The following ZKSCAN7 variants were observed in gnomAD, a reference collection of about 807,000 sequenced individuals.
ZKSCAN7 encodes the protein zinc finger protein with KRAB and SCAN domains 7.
A neutral mutation model predicts 65.3 loss-of-function variants in ZKSCAN7; 38 were observed. That is an observed-to-expected ratio of 0.58 (90% confidence interval 0.45 to 0.76). The LOEUF is 0.76. Among genes scored for constraint, ZKSCAN7 ranks in the 30% least tolerant of loss-of-function variants. ZKSCAN7 has a pLI of 0.00. For synonymous variants in ZKSCAN7, 321 were observed against 321.0 expected, an observed-to-expected ratio of 1.00 and a Z score of 0.00; for missense variants, 815 against 913.3, an observed-to-expected ratio of 0.89 and a Z score of 1.39.
chr3:44,579,810 C>G lies in ZKSCAN7; in HGVS notation c.812-3162C>G, dbSNP rs572358222. 1,765 of 1,613,180 alleles carry G rather than the reference C, an allele frequency of 1.1e-3. 1 individual carries two copies. The highest frequency in any genetic ancestry group is 1.3e-3 in the Non-Finnish European group (1,583 of 1,179,122). On this transcript the variant is annotated intron_variant, in intron 5 of 5. Transcript: ENST00000341840. The stretch of plus-strand genomic sequence containing the variant: ...TATCTCAGGCTTTGATCGGCGAGGA[C>G]AAACCAGTGTTTCTTCCACTGGCTG...
Position 44,580,916 on chromosome 3 carries a change from C to T in ZKSCAN7, c.812-2056C>T, listed in dbSNP as rs1282365149. On this transcript the variant is annotated intron_variant, in intron 5 of 5. Coordinates refer to the ZKSCAN7 transcript ENST00000341840. ...AAATGGGTTTTGCCTGCGTCAGGTC[C>T]TCGTCGTTGAGGAGATGCGACTCGC... The T allele has an allele frequency of 2.5e-6, 4 of 1,613,304 alleles. No homozygotes were observed. In the Admixed American group the frequency reaches 6.7e-5, roughly 27 times the overall value.
intron 1 of ZKSCAN7, among the ~76,000 whole-genome samples, chr3:44,556,079 A>T (rs1444875890): frequency 2.0e-5 from 3 of 152,210 alleles, no homozygotes; most frequent in Non-Finnish European, 2.9e-5. Context: ...GATCACTGAG[A>T]CAATAACCAC....
Position 44,557,410 on chromosome 3 carries a change from T to C in ZKSCAN7, c.363T>C (p.Ser121=). 1 of 1,613,838 alleles carries C rather than the reference T, an allele frequency of 6.2e-7. No homozygotes were observed. Among genetic ancestry groups the C allele is most frequent in the Non-Finnish European group, 8.5e-7 (1 of 1,179,952 alleles). The change falls in exon 2 of 6, where the codon AGT becomes AGC. Residue 121 remains serine (S), a synonymous_variant. Coordinates refer to ENST00000426540, the MANE Select transcript of ZKSCAN7 (RefSeq NM_001288590.2). ...GGGTGCAGCTGCATCACCCTGAGAG[T>C]GGTGAGGAGGCTGTGGCTGTGGTGG... is the stretch of plus-strand genomic sequence containing the variant. ...RTWVQLHHPE[S]GEEAVAVVED... is the part of the protein sequence containing the mutation.
intron 1 of ZKSCAN7, among the ~76,000 whole-genome samples, chr3:44,556,032 T>G (rs1699283302): frequency 6.6e-6 from 1 of 152,228 alleles, no homozygotes; most frequent in Admixed American, 6.5e-5. Flanking sequence ...GTGTGAGATG[T>G]GCTCTACTAG....
intron 5 of ZKSCAN7, chr3:44,578,127 G>A (rs1699963403): frequency 1.4e-5 from 21 of 1,537,222 alleles, no homozygotes; most frequent in African/African-American, 4.1e-5. Flanking sequence ...CAGTGCTTCC[G>A]TTGCAGCCTT....
At position 44,556,698 on chromosome 3, in the gene ZKSCAN7, T is replaced by TTACCCCTG. The variant is rs1374809570; in HGVS notation, c.-118-232_-118-231insTACCCCTG. 2.9e-4 allele frequency among the ~76,000 whole-genome samples: 44 copies of TTACCCCTG among 151,938 alleles called. 1 individual carries two copies. The highest frequency in any genetic ancestry group is 5.7e-4 in the Non-Finnish European group (39 of 67,984). On this transcript the variant is annotated intron_variant, in intron 1 of 5. Coordinates refer to ENST00000426540, the MANE Select transcript of ZKSCAN7 (RefSeq NM_001288590.2). ...AGGGTGTGGCTGGTTGTGAAGGGGG[T>TTACCCCTG]AAGGCCAGGTTGTGAAGGGCTGTGA...
chr3:44,583,091 T>C (rs1700126300), exon 6 of ZKSCAN7: 1 of 346,918 alleles, frequency 2.9e-6, no homozygotes, highest in Admixed American at 3.5e-5. Context: ...CATGCCCAGC[T>C]AATTTTTGTA....
chr3:44,573,682 C>T (rs1699868802), downstream of ZKSCAN7, among the ~76,000 whole-genome samples: 1 of 152,138 alleles, frequency 6.6e-6, no homozygotes, highest in African/African-American at 2.4e-5. Flanking sequence ...CCTATATGAG[C>T]ACATGGGTCC....
Position 44,570,095 on chromosome 3 carries a change from G to C in ZKSCAN7, c.985G>C (p.Glu329Gln), listed in dbSNP as rs763455178. Residue 329 changes from glutamate (E) to glutamine (Q), a missense_variant, in exon 6 of 6, where the codon GAA becomes CAA. Transcript: ENST00000426540. ...FKELEGQTSD[E>Q]EGSRLENDFL... ...GGAGTTAGAAGGACAAACCTCAGAT[G>C]AAGAAGGGAGCAGACTAGAAAATGA... The C allele has an allele frequency of 6.2e-7, 1 of 1,613,950 alleles. No individual in the cohort carries two copies. The highest frequency in any genetic ancestry group is 2.2e-5 in the East Asian group (1 of 44,876).
At chr3:44,580,101 A>G (rs1330768959) in intron 5 of ZKSCAN7, 9 of 1,598,386 alleles carry the variant, frequency 5.6e-6, no homozygotes, top group African/African-American at 1.3e-5. Context: ...TGCCTTCTCA[A>G]TGTCCAAGGC....
chr3:44,566,642 AT>A (rs1433980317), intron 3 of ZKSCAN7, among the ~76,000 whole-genome samples: 1 of 151,870 alleles, frequency 6.6e-6, no homozygotes, highest in African/African-American at 2.4e-5. Flanking sequence ...TTATTTATTT[AT>A]TTTTTTTAAA....
intron 2 of ZKSCAN7, among the ~76,000 whole-genome samples, chr3:44,563,045 A>C (rs779869579): frequency 6.6e-6 from 1 of 152,118 alleles, no homozygotes; most frequent in Non-Finnish European, 1.5e-5. Context: ...AAAGTTCCAC[A>C]GATATCTAGA....
intron 5 of ZKSCAN7, 90 bp from the exon 6 acceptor site, chr3:44,569,832 C>CT: frequency 2.8e-6 from 4 of 1,439,356 alleles, no homozygotes; most frequent in Non-Finnish European, 3.6e-6. Context: ...CATAATGTGA[C>CT]TTTTTTTCAG....
chr3:44,580,924 TGAG>T (rs746828608), intron 5 of ZKSCAN7: 46 of 1,612,882 alleles, frequency 2.9e-5, no homozygotes, highest in Non-Finnish European at 3.6e-5. Flanking sequence ...TCCTCGTCGT[TGAG>T]GAGATGCGAC....
intron 1 of ZKSCAN7, 136 bp from the exon 2 acceptor site, chr3:44,556,794 A>G: frequency 1.8e-6 from 1 of 555,462 alleles, no homozygotes; most frequent in East Asian, 3.2e-5. Context: ...GAAGGGCATC[A>G]TTTGGAGAGA....
At chr3:44,581,079 C>A in intron 5 of ZKSCAN7, 3 of 1,218,158 alleles carry the variant, frequency 2.5e-6, no homozygotes, top group Non-Finnish European at 3.1e-6. Context: ...GCGCTCCCGG[C>A]GGGCTAGGGG....
chr3:44,569,010 T>C (rs910708382), intron 5 of ZKSCAN7, among the ~76,000 whole-genome samples: 6 of 152,266 alleles, frequency 3.9e-5, no homozygotes, highest in African/African-American at 1.4e-4. Context: ...CTTCTCTCCA[T>C]GCGCCACTTC....
intron 2 of ZKSCAN7, among the ~76,000 whole-genome samples, chr3:44,558,512 G>A (rs540567196): frequency 3.4e-5 from 5 of 148,508 alleles, no homozygotes; most frequent in South Asian, 2.1e-4. Context: ...GTGACAGAGC[G>A]AGACTTCATC....
chr3:44,563,659 AC>A (rs11325659), intron 2 of ZKSCAN7, among the ~76,000 whole-genome samples: 125,804 of 144,806 alleles, frequency 0.87, 54,237 homozygotes, highest in Middle Eastern at 0.93. Context: ...CCCTACCCCC[AC>A]CCCCCGTGAT....
Sources: gnomAD v4.1 joint callset for allele counts (sites outside exome capture counted in the v4.1 genomes callset) on GRCh38, gnomAD v4.1.1 for gene constraint, MANE v1.5 for transcripts, NCBI Gene and HGNC (gene_info 2026-07-23, HGNC 2026-07-21) for gene names.